Variants in PTPRK observed in about 807,000 individuals in gnomAD.
PTPRK encodes protein tyrosine phosphatase receptor type K, also known as receptor-type tyrosine-protein phosphatase kappa.
A neutral mutation model predicts 178.0 loss-of-function variants in PTPRK; 75 were observed. The ratio of observed to expected loss-of-function variants is 0.42; its 90% CI spans 0.35 to 0.51. PTPRK has a LOEUF of 0.51. Ranked by LOEUF, PTPRK falls within the 20% of genes least tolerant of loss-of-function variation. The pLI is 0.02. For synonymous variants in PTPRK, 637 were observed against 620.6 expected (o/e 1.03, Z -0.39); for missense variants, 1,441 against 1,797.8 (o/e 0.80, Z 3.59).
At chr6:128,329,016 A>C (rs1306506113) in intron 2 of PTPRK, among the ~76,000 whole-genome samples, 1 of 152,164 alleles carries the variant, frequency 6.6e-6, no homozygotes, top group Non-Finnish European at 1.5e-5. Context: ...AAAGAGAAAA[A>C]AGGAAAACTA....
chr6:128,210,967 C>T (rs922545234), intron 6 of PTPRK, among the ~76,000 whole-genome samples: 5 of 151,966 alleles, frequency 3.3e-5, no homozygotes, highest in African/African-American at 1.2e-4. Context: ...TAAAGAAAAA[C>T]AACAAAATAT....
intron 2 of PTPRK, among the ~76,000 whole-genome samples, chr6:128,392,692 T>C (rs992849186): frequency 6.6e-6 from 1 of 152,076 alleles, no homozygotes; most frequent in Non-Finnish European, 1.5e-5. Flanking sequence ...TGAAAATATA[T>C]ATACAATAGA....
At chr6:127,976,805 GA>G (rs5879870) in intron 26 of PTPRK, 23 bp from the exon 27 acceptor site, 235,709 of 1,248,598 alleles carry the variant, frequency 0.19, 16,122 homozygotes, top group African/African-American at 0.32. Flanking sequence ...CGTTTTGAAA[GA>G]AAAAAAAAAA....
At chr6:128,192,391 G>T (rs375488514) in intron 6 of PTPRK, among the ~76,000 whole-genome samples, 1 of 152,006 alleles carries the variant, frequency 6.6e-6, no homozygotes. Flanking sequence ...AATTTGTTAG[G>T]TGCCCACAAA....
At chr6:128,443,529 G>A (rs1846554785) in intron 1 of PTPRK, among the ~76,000 whole-genome samples, 1 of 152,166 alleles carries the variant, frequency 6.6e-6, no homozygotes, top group Non-Finnish European at 1.5e-5. Context: ...CTAGATTAGG[G>A]AGCAAGTATA....
At chr6:128,179,412 C>A (rs191218639) in intron 7 of PTPRK, among the ~76,000 whole-genome samples, 1 of 152,042 alleles carries the variant, frequency 6.6e-6, no homozygotes, top group African/African-American at 2.4e-5. Context: ...CTTACATTCC[C>A]AAGAAAATTG....
chr6:128,464,973 A>T (rs1428962208), intron 1 of PTPRK, among the ~76,000 whole-genome samples: 1 of 151,390 alleles, frequency 6.6e-6, no homozygotes, highest in Non-Finnish European at 1.5e-5. Context: ...TTTGCTCTGA[A>T]AAAAGGTTTG....
At chr6:127,987,354 C>T (rs80222216) in intron 21 of PTPRK, among the ~76,000 whole-genome samples, 9,214 of 152,014 alleles carry the variant, frequency 0.061, 929 homozygotes, top group African/African-American at 0.21. Context: ...CTCCCATATT[C>T]TGGAACATGG....
chr6:128,425,458 T>C (rs1844020723), intron 1 of PTPRK, among the ~76,000 whole-genome samples: 1 of 152,148 alleles, frequency 6.6e-6, no homozygotes, highest in African/African-American at 2.4e-5. Context: ...TCTTATGCCT[T>C]TGCATCCTAA....
intron 1 of PTPRK, among the ~76,000 whole-genome samples, chr6:128,430,916 C>T (rs1330233190): frequency 6.6e-6 from 1 of 151,368 alleles, no homozygotes; most frequent in African/African-American, 2.4e-5. Context: ...CTTTATTAGT[C>T]AACGTGTGAT....
intron 7 of PTPRK, among the ~76,000 whole-genome samples, chr6:128,164,585 TA>T (rs1293330237): frequency 6.6e-6 from 1 of 151,342 alleles, no homozygotes; most frequent in African/African-American, 2.4e-5. Context: ...TCTTCATCTT[TA>T]AAAAGGTTTT....
At chr6:128,202,104 G>A (rs1244617568) in intron 6 of PTPRK, among the ~76,000 whole-genome samples, 1 of 152,130 alleles carries the variant, frequency 6.6e-6, no homozygotes, top group Non-Finnish European at 1.5e-5. Context: ...GAGGAACGAA[G>A]GCAGAGAGTG....
chr6:128,315,567 G>T (rs899609024), intron 3 of PTPRK, among the ~76,000 whole-genome samples: 1 of 151,980 alleles, frequency 6.6e-6, no homozygotes, highest in African/African-American at 2.4e-5. Context: ...ACTATAAATT[G>T]TCCACTAGAT....
chr6:128,519,964 C>A lies in PTPRK; in HGVS notation c.100+295G>T, dbSNP rs569147871. ...AGTCGTAACTACTTTTTCTTTCTCT[C>A]TTCCCCACTAGCCCGGCGCAGGCCA... On this transcript the variant is annotated intron_variant, in intron 1 of 29. Coordinates refer to ENST00000368226, the MANE Select transcript of PTPRK (RefSeq NM_002844.4). The surrounding 1 kb of genome is among the most constrained non-coding windows in gnomAD (Gnocchi z 4.3). Among the ~76,000 whole-genome samples, 1 of 152,220 alleles carries A rather than the reference C, an allele frequency of 6.6e-6. No homozygotes were observed. The highest frequency in any genetic ancestry group is 1.5e-5 in the Non-Finnish European group (1 of 68,046).
At chr6:128,165,088 C>T (rs1273233667) in intron 7 of PTPRK, among the ~76,000 whole-genome samples, 1 of 150,606 alleles carries the variant, frequency 6.6e-6, no homozygotes, top group Non-Finnish European at 1.5e-5. Context: ...GCAAATTATG[C>T]TAAAACTAAT....
At chr6:128,090,056 A>G (rs1193468365) in intron 7 of PTPRK, 64 bp from the exon 8 acceptor site, 1 of 1,304,008 alleles carries the variant, frequency 7.7e-7, no homozygotes, top group African/African-American at 1.5e-5. Context: ...TGGAAAAATA[A>G]AACACCAAGT....
intron 3 of PTPRK, among the ~76,000 whole-genome samples, chr6:128,297,517 C>T (rs948687586): frequency 2.0e-5 from 3 of 152,130 alleles, no homozygotes; most frequent in African/African-American, 4.8e-5. Flanking sequence ...GAAATTATAA[C>T]AAACTGTCTC....
intron 1 of PTPRK, among the ~76,000 whole-genome samples, chr6:128,510,242 C>G (rs878961953): frequency 6.6e-6 from 1 of 152,174 alleles, no homozygotes; most frequent in Non-Finnish European, 1.5e-5. Flanking sequence ...GAGACTATCC[C>G]CTGGCCTCAA....
At chr6:128,211,761 T>C (rs1018144802) in intron 6 of PTPRK, among the ~76,000 whole-genome samples, 6 of 152,070 alleles carry the variant, frequency 3.9e-5, no homozygotes, top group Non-Finnish European at 5.9e-5. Context: ...CACCTGTAAG[T>C]CATATAGTGG....
Sources: gnomAD v4.1 joint callset for allele counts (sites outside exome capture counted in the v4.1 genomes callset) on GRCh38, gnomAD v4.1.1 for gene constraint, Gnocchi (gnomAD v3.1) non-coding constraint, MANE v1.5 for transcripts, NCBI Gene and HGNC (gene_info 2026-07-23, HGNC 2026-07-21) for gene names.